Variants in PDE4D observed in about 807,000 individuals in gnomAD.
PDE4D encodes the protein phosphodiesterase 4D, also known as 3',5'-cyclic-AMP phosphodiesterase 4D.
PDE4D carries 24 observed loss-of-function variants against 87.4 expected under a neutral mutation model. The observed-to-expected ratio is 0.27, with a 90% CI of 0.20 to 0.39. PDE4D has a LOEUF of 0.39. Among genes scored for constraint, PDE4D ranks in the 10% least tolerant of loss-of-function variants. PDE4D has a pLI of 1.00. For synonymous variants in PDE4D, 384 were observed against 383.2 expected (o/e 1.00, Z -0.02); for missense variants, 714 against 1,041.0 (o/e 0.69, Z 4.32).
At chr5:59,508,511 A>C (rs1225255921) in intron 1 of PDE4D, among the ~76,000 whole-genome samples, 1 of 152,148 alleles carries the variant, frequency 6.6e-6, no homozygotes, top group Non-Finnish European at 1.5e-5. Flanking sequence ...TTCCAGAGAT[A>C]AAATACTAAA....
intron 2 of PDE4D, among the ~76,000 whole-genome samples, chr5:60,053,258 G>A (rs1304401971): frequency 6.6e-6 from 1 of 152,158 alleles, no homozygotes; most frequent in Non-Finnish European, 1.5e-5. Context: ...AAAGAACAAA[G>A]CTGGAGGCAT....
At chr5:60,429,021 A>G (rs1248148554) in intron 1 of PDE4D, among the ~76,000 whole-genome samples, 2 of 152,232 alleles carry the variant, frequency 1.3e-5, no homozygotes, top group Non-Finnish European at 2.9e-5. Flanking sequence ...TATTGTCCCA[A>G]TGTGACTACT....
intron 2 of PDE4D, among the ~76,000 whole-genome samples, chr5:60,122,249 T>G (rs879919310): frequency 2.0e-5 from 3 of 152,196 alleles, no homozygotes; most frequent in Non-Finnish European, 2.9e-5. Context: ...CTGAAGGCTG[T>G]GGCCCTCTTC....
chr5:59,573,046 C>T (rs1053573777), intron 1 of PDE4D, among the ~76,000 whole-genome samples: 5 of 152,110 alleles, frequency 3.3e-5, no homozygotes, highest in African/African-American at 4.8e-5. Context: ...CCAATGGACA[C>T]GGGGATTTGT....
rs372778203 is a variant in PDE4D, at chr5:59,970,581, G to A, written c.272+17907C>T. Reference sequence around the variant, plus strand: ...AGACACTTCTCAAAAGAAGACATTTGTGCAGCCAAAAAACACATGAAAAAA... The same window carrying A: ...AGACACTTCTCAAAAGAAGACATTTATGCAGCCAAAAAACACATGAAAAAA... On this transcript the variant is annotated intron_variant, in intron 3 of 16. Coordinates refer to the PDE4D transcript ENST00000502484. Among the ~76,000 whole-genome samples, 14 of 152,132 alleles carry A rather than the reference G, an allele frequency of 9.2e-5. No individual in the cohort carries two copies. In the East Asian group the frequency reaches 1.4e-3, roughly 15 times the overall value.
At chr5:59,701,296 G>T (rs1752521376) in intron 1 of PDE4D, among the ~76,000 whole-genome samples, 3 of 152,222 alleles carry the variant, frequency 2.0e-5, no homozygotes, top group Non-Finnish European at 2.9e-5. Flanking sequence ...TCTGCATAGT[G>T]CTAATCACGG....
At chr5:60,325,650 T>TA (rs1756716155) in intron 1 of PDE4D, among the ~76,000 whole-genome samples, 1 of 152,148 alleles carries the variant, frequency 6.6e-6, no homozygotes, top group Non-Finnish European at 1.5e-5. Context: ...CATGCAGTTA[T>TA]AAAAAATAAT....
chr5:59,326,865 C>A (rs58389250), intron 1 of PDE4D, among the ~76,000 whole-genome samples: 9 of 152,030 alleles, frequency 5.9e-5, no homozygotes, highest in African/African-American at 2.2e-4. Context: ...CTTTCCAATT[C>A]GCATATATTT....
intron 2 of PDE4D, among the ~76,000 whole-genome samples, chr5:60,003,367 G>C (rs75515822): frequency 6.6e-6 from 1 of 151,826 alleles, no homozygotes; most frequent in Admixed American, 6.6e-5. Flanking sequence ...GAAAACCATT[G>C]TAAAATTCAT....
chr5:60,474,113 T>TATATATAC (rs1332560365), intron 1 of PDE4D, among the ~76,000 whole-genome samples: 12 of 77,896 alleles, frequency 1.5e-4, no homozygotes, highest in Admixed American at 1.4e-3. Context: ...GCCATATATA[T>TATATATAC]ATATATATAT....
At position 59,094,652 on chromosome 5, in the gene PDE4D, G is replaced by A. The variant is rs111369768; in HGVS notation, c.809-55681C>T. ...AAAATTTCTACACAGAAAAAGATCA[G>A]GATTTCACCAATAGAAAATACTGGA... is the stretch of plus-strand genomic sequence containing the variant. On this transcript the variant is annotated intron_variant, in intron 5 of 14. Coordinates refer to ENST00000340635, the MANE Select transcript of PDE4D (RefSeq NM_001104631.2). Among the ~76,000 whole-genome samples the A allele has an allele frequency of 7.1e-3, 1,081 of 152,162 alleles. 15 individuals are homozygous for A. The highest frequency in any genetic ancestry group is 0.025 in the African/African-American group (1,019 of 41,518).
intron 3 of PDE4D, among the ~76,000 whole-genome samples, chr5:59,186,091 A>T (rs973494587): frequency 6.6e-6 from 1 of 152,172 alleles, no homozygotes; most frequent in Non-Finnish European, 1.5e-5. Context: ...GAAATGGGCA[A>T]GTTTCCCCAG....
chr5:60,128,349 CAG>C (rs1046898179), intron 2 of PDE4D, among the ~76,000 whole-genome samples: 1 of 152,166 alleles, frequency 6.6e-6, no homozygotes, highest in African/African-American at 2.4e-5. Context: ...CAGCGAGTGG[CAG>C]AGAGTCAATG....
chr5:59,108,545 G>A (rs1330388296), intron 5 of PDE4D, among the ~76,000 whole-genome samples: 1 of 152,114 alleles, frequency 6.6e-6, no homozygotes, highest in African/African-American at 2.4e-5. Flanking sequence ...TGAACATAGG[G>A]TGATATCTTC....
At chr5:60,131,896 C>G (rs1051949186) in intron 2 of PDE4D, among the ~76,000 whole-genome samples, 2 of 152,106 alleles carry the variant, frequency 1.3e-5, no homozygotes, top group African/African-American at 2.4e-5. Flanking sequence ...TAGCTTCTGC[C>G]ATGTTATTAG....
At chr5:60,381,092 T>C (rs562626815) in intron 1 of PDE4D, among the ~76,000 whole-genome samples, 9 of 152,304 alleles carry the variant, frequency 5.9e-5, no homozygotes, top group African/African-American at 2.2e-4. Flanking sequence ...AAGAGTGTTG[T>C]ATGCCTCAGG....
intron 5 of PDE4D, among the ~76,000 whole-genome samples, chr5:59,147,940 C>T (rs1778909596): frequency 6.6e-6 from 1 of 152,162 alleles, no homozygotes; most frequent in Admixed American, 6.5e-5. Flanking sequence ...TTACGAATAT[C>T]TCCTATACCA....
chr5:59,806,683 C>T (rs1282268630), intron 1 of PDE4D, among the ~76,000 whole-genome samples: 1 of 152,040 alleles, frequency 6.6e-6, no homozygotes, highest in African/African-American at 2.4e-5. Context: ...TTCTACTTCC[C>T]TATAATTAAT....
At chr5:59,476,174 T>C (rs1246983257) in intron 1 of PDE4D, among the ~76,000 whole-genome samples, 3 of 151,956 alleles carry the variant, frequency 2.0e-5, no homozygotes, top group Non-Finnish European at 4.4e-5. Flanking sequence ...TGAAATTGCT[T>C]ATGGAAAAGC....
Sources: allele counts gnomAD v4.1 joint callset (sites outside exome capture counted in the v4.1 genomes callset), GRCh38; gene constraint gnomAD v4.1.1; transcripts MANE v1.5; gene names NCBI Gene and HGNC (gene_info 2026-07-23, HGNC 2026-07-21).